Variants in CDH13 observed in about 807,000 individuals in gnomAD.
The protein encoded by CDH13 is cadherin-13.
In CDH13, 24 loss-of-function variants were observed where a neutral mutation model predicts 63.8. The ratio of observed to expected loss-of-function variants is 0.38; its 90% CI spans 0.27 to 0.53. The LOEUF (loss-of-function observed/expected upper bound fraction) is 0.53. Ranked by LOEUF, CDH13 falls within the 20% of genes least tolerant of loss-of-function variation. CDH13 has a pLI of 0.85. For synonymous variants in CDH13, 503 were observed against 355.3 expected, an observed-to-expected ratio of 1.42 and a Z score of -4.67; for missense variants, 1,049 against 903.1, an observed-to-expected ratio of 1.16 and a Z score of -2.07.
chr16:83,135,615 G>A (rs756740857), intron 4 of CDH13, among the ~76,000 whole-genome samples: 17 of 152,314 alleles, frequency 1.1e-4, no homozygotes, highest in Non-Finnish European at 1.9e-4. Context: ...AAACAGTGTG[G>A]AGATTCCTGA....
chr16:83,244,119 T>G (rs1407112259), intron 5 of CDH13, among the ~76,000 whole-genome samples: 1 of 152,000 alleles, frequency 6.6e-6, no homozygotes, highest in Admixed American at 6.6e-5. Flanking sequence ...CCCCTCTTTT[T>G]TTCAGCATCC....
At chr16:82,900,040 C>T (rs1419294740) in intron 2 of CDH13, among the ~76,000 whole-genome samples, 1 of 152,204 alleles carries the variant, frequency 6.6e-6, no homozygotes, top group Non-Finnish European at 1.5e-5. Context: ...TGATTGCTCT[C>T]TCTCTCTCTT....
At chr16:82,834,758 A>G (rs1319605948) in intron 1 of CDH13, among the ~76,000 whole-genome samples, 1 of 152,180 alleles carries the variant, frequency 6.6e-6, no homozygotes, top group Non-Finnish European at 1.5e-5. Context: ...TTTGCACAAT[A>G]TTATGCTCTG....
At chr16:82,864,278 G>C (rs755794660) in intron 2 of CDH13, among the ~76,000 whole-genome samples, 6 of 152,298 alleles carry the variant, frequency 3.9e-5, no homozygotes, top group Non-Finnish European at 4.4e-5. Context: ...TGACAAAAGA[G>C]AGTGAGTGTT....
At chr16:82,838,670 G>A (rs1241516850) in intron 1 of CDH13, among the ~76,000 whole-genome samples, 1 of 152,152 alleles carries the variant, frequency 6.6e-6, no homozygotes, top group Non-Finnish European at 1.5e-5. Flanking sequence ...TTAAGAAGTT[G>A]ATGGTTTTGT....
rs191349779 is a variant in CDH13, at chr16:83,327,498, C to A, written c.637-17364C>A. Among the ~76,000 whole-genome samples the A allele has an allele frequency of 3.6e-3, 549 of 152,304 alleles. 4 individuals carry two copies. Among genetic ancestry groups the A allele is most frequent in the African/African-American group, 9.2e-3 (384 of 41,568 alleles). On this transcript the variant is annotated intron_variant, in intron 5 of 13. Transcript: ENST00000567109. Reference sequence around the variant, plus strand: ...TAGCTAATTCATTGTTCATTTGTTACATTTATTGAAAATCTACTGTTTGAA... The same window carrying A: ...TAGCTAATTCATTGTTCATTTGTTAAATTTATTGAAAATCTACTGTTTGAA...
rs895283673 is a variant in CDH13 at position 83,554,603 on chromosome 16, G to T, written c.961-47851G>T. Among the ~76,000 whole-genome samples the T allele has an allele frequency of 5.3e-5, 8 of 151,932 alleles. No individual in the cohort carries two copies. The East Asian group carries it at 1.4e-3, about 26-fold the overall frequency. ...TATGAAGAGGGGAGTCTCACACTTG[G>T]TTGCCTGATAACAAAAACTGTCACA... On this transcript the variant is annotated intron_variant, in intron 7 of 13. Transcript: ENST00000567109.
At chr16:83,258,424 C>G (rs1906549322) in intron 5 of CDH13, among the ~76,000 whole-genome samples, 2 of 152,188 alleles carry the variant, frequency 1.3e-5, no homozygotes, top group Admixed American at 6.5e-5. Context: ...GTTTAGCCAG[C>G]TTCAGTGACT....
intron 3 of CDH13, among the ~76,000 whole-genome samples, chr16:83,036,424 A>G (rs1270713962): frequency 2.0e-5 from 3 of 152,218 alleles, no homozygotes; most frequent in African/African-American, 4.8e-5. Flanking sequence ...TGCTGGGATT[A>G]TAGGTGTGAG....
At chr16:82,837,382 C>A (rs1175548767) in intron 1 of CDH13, among the ~76,000 whole-genome samples, 2 of 152,226 alleles carry the variant, frequency 1.3e-5, no homozygotes, top group African/African-American at 2.4e-5. Flanking sequence ...AAATTCAGAT[C>A]CATCATTTAT....
At chr16:83,080,629 C>G (rs2033164022) in intron 3 of CDH13, among the ~76,000 whole-genome samples, 1 of 152,088 alleles carries the variant, frequency 6.6e-6, no homozygotes. Flanking sequence ...TCCACAGCTC[C>G]TGTATTAGCT....
At chr16:83,148,474 C>T (rs988956298) in intron 4 of CDH13, among the ~76,000 whole-genome samples, 1 of 152,182 alleles carries the variant, frequency 6.6e-6, no homozygotes, top group Non-Finnish European at 1.5e-5. Context: ...GGGTTCAAAT[C>T]CCAGCCCTGC....
intron 2 of CDH13, among the ~76,000 whole-genome samples, chr16:83,000,401 AC>A (rs1555558579): frequency 6.7e-6 from 1 of 150,094 alleles, no homozygotes; most frequent in Non-Finnish European, 1.5e-5. Flanking sequence ...GGCGCCCGCC[AC>A]CACGCCCAGC....
intron 2 of CDH13, among the ~76,000 whole-genome samples, chr16:82,970,130 C>T (rs1352689498): frequency 6.6e-6 from 1 of 151,976 alleles, no homozygotes; most frequent in Non-Finnish European, 1.5e-5. Flanking sequence ...TCCCTGTTTC[C>T]TTGTGTTCTT....
intron 1 of CDH13, among the ~76,000 whole-genome samples, chr16:82,793,328 A>G (rs889791779): frequency 2.6e-5 from 4 of 152,104 alleles, no homozygotes; most frequent in African/African-American, 9.7e-5. Context: ...GCAAAGGGGA[A>G]AAGAAAAGTT....
At position 83,660,704 on chromosome 16, in the gene CDH13, T is replaced by C. The variant is rs147457542; in HGVS notation, c.1102-10086T>C. 2.0e-5 allele frequency among the ~76,000 whole-genome samples: 3 copies of C among 152,368 alleles called. No individual in the cohort carries two copies. The East Asian group carries it at 5.8e-4, about 29-fold the overall frequency. ...CAGTGTCTTTAGAAAGCAGACTATGTTATTGTTTCTTGAAAAGCCATTCTT... is the reference window on the plus strand; with the variant it reads ...CAGTGTCTTTAGAAAGCAGACTATGCTATTGTTTCTTGAAAAGCCATTCTT... On this transcript the variant is annotated intron_variant, in intron 8 of 13. Transcript: ENST00000567109.
At chr16:82,971,573 G>T (rs771734617) in intron 2 of CDH13, among the ~76,000 whole-genome samples, 6 of 152,222 alleles carry the variant, frequency 3.9e-5, no homozygotes, top group Non-Finnish European at 7.3e-5. Context: ...ACATCATCCA[G>T]TTCACCATGT....
At chr16:82,788,024 A>T (rs1186379835) in intron 1 of CDH13, among the ~76,000 whole-genome samples, 1 of 152,116 alleles carries the variant, frequency 6.6e-6, no homozygotes, top group Non-Finnish European at 1.5e-5. Context: ...CATTCATAAG[A>T]TTTAAAATCA....
chr16:83,643,294 A>G lies in CDH13; in HGVS notation c.1102-27496A>G, dbSNP rs1187237060. On this transcript the variant is annotated intron_variant, in intron 8 of 13. Coordinates refer to ENST00000567109, the MANE Select transcript of CDH13 (RefSeq NM_001257.5). ...AACTTAGAGTATAATAAAAAAAAAAAAAAAAAAGAAAAAAAAAATTTAACA... is the reference window on the plus strand; with the variant it reads ...AACTTAGAGTATAATAAAAAAAAAAGAAAAAAAGAAAAAAAAAATTTAACA... Among the ~76,000 whole-genome samples the G allele has an allele frequency of 4.6e-5, 2 of 43,154 alleles. 1 individual carries two copies. Among genetic ancestry groups the G allele is most frequent in the Non-Finnish European group, 8.0e-5 (2 of 24,968 alleles). The allele number at this position is 43,154 out of a possible 152,430, so 28.3% of individuals were successfully genotyped here. A position where few individuals can be genotyped will look rare whatever the true frequency, so the allele number is the denominator to read the frequency against.
Sources: allele counts gnomAD v4.1 joint callset (sites outside exome capture counted in the v4.1 genomes callset), GRCh38; gene constraint gnomAD v4.1.1; transcripts MANE v1.5; gene names NCBI Gene and HGNC (gene_info 2026-07-23, HGNC 2026-07-21).